The following ZNRF3 variants were observed in gnomAD, a reference collection of about 807,000 sequenced individuals.
ZNRF3 encodes E3 ubiquitin-protein ligase ZNRF3.
In ZNRF3, 23 loss-of-function variants were observed where a neutral mutation model predicts 72.5. The ratio of observed to expected loss-of-function variants is 0.32; its 90% CI spans 0.23 to 0.45. The LOEUF (loss-of-function observed/expected upper bound fraction) is 0.45, where lower values mean the gene tolerates loss of function less well. Among genes scored for constraint, ZNRF3 ranks in the 20% least tolerant of loss-of-function variants. The pLI is 1.00. For synonymous variants in ZNRF3, 610 were observed against 545.3 expected, an observed-to-expected ratio of 1.12 and a Z score of -1.65; for missense variants, 1,169 against 1,272.1, an observed-to-expected ratio of 0.92 and a Z score of 1.23.
chr22:29,036,875 T>C lies in ZNRF3; in HGVS notation c.427-5620T>C, dbSNP rs368630533. 8.5e-5 allele frequency among the ~76,000 whole-genome samples: 13 copies of C among 152,248 alleles called. No individual in the cohort carries two copies. In the South Asian group the frequency reaches 2.5e-3, roughly 29 times the overall value. On this transcript the variant is annotated intron_variant, in intron 2 of 8. Transcript: ENST00000544604. Reference sequence around the variant, plus strand: ...GAATTTTTAATAACTTAGAAGCTTATGATAAAGAAAAAAAGCCAGAAGGCA... The same window carrying C: ...GAATTTTTAATAACTTAGAAGCTTACGATAAAGAAAAAAAGCCAGAAGGCA...
chr22:28,934,955 T>C (rs1364481757), intron 1 of ZNRF3, among the ~76,000 whole-genome samples: 1 of 152,226 alleles, frequency 6.6e-6, no homozygotes, highest in Non-Finnish European at 1.5e-5. Flanking sequence ...CACATGGTTT[T>C]GCATAAATGG....
chr22:29,048,341 C>A lies in ZNRF3; in HGVS notation c.913-48C>A, dbSNP rs745568789. ...CTATGCTGGACTCTGCAGGAGGACA[C>A]ACCTGCGAGGCTGAAGGCAGACTTG... On this transcript the variant is annotated intron_variant, in intron 6 of 8. Transcript: ENST00000544604. The surrounding 1 kb of genome is among the most constrained non-coding windows in gnomAD (Gnocchi z 4.9). 1 of 1,547,908 alleles carries A rather than the reference C, an allele frequency of 6.5e-7. No homozygotes were observed. The highest frequency in any genetic ancestry group is 2.2e-5 in the East Asian group (1 of 44,516).
intron 2 of ZNRF3, among the ~76,000 whole-genome samples, chr22:29,024,164 T>C (rs1171896408): frequency 1.3e-5 from 2 of 152,176 alleles, no homozygotes; most frequent in Non-Finnish European, 2.9e-5. Flanking sequence ...AGAAGTCCTT[T>C]TCTTAATGAC....
chr22:28,909,940 A>G (rs1292559632), intron 1 of ZNRF3, among the ~76,000 whole-genome samples: 1 of 150,652 alleles, frequency 6.6e-6, no homozygotes, highest in Non-Finnish European at 1.5e-5. Context: ...GGGTCTTACT[A>G]TGTTTCCCAG....
chr22:29,003,330 C>CACGATGAAACTCCATCTCTACTTAAAAA, intron 2 of ZNRF3, among the ~76,000 whole-genome samples: 1 of 151,946 alleles, frequency 6.6e-6, no homozygotes, highest in Non-Finnish European at 1.5e-5. Context: ...TCCTGGTTAA[C>CACGATGAAACTCCATCTCTACTTAAAAA]ACGATGAAAC....
In ZNRF3 at chr22:29,049,787, C is replaced by A. The variant is rs1445215928; in HGVS notation, c.1606C>A (p.Arg536Ser). 1 of 1,603,664 alleles carries A rather than the reference C, an allele frequency of 6.2e-7. No homozygotes were observed. Among genetic ancestry groups the A allele is most frequent in the South Asian group, 1.1e-5 (1 of 90,046 alleles). ...CAGCTTCAGCTGCTATCACGGCCAC[C>A]GCTCGGTGTGCAGTGGCTACCTGGC... is the stretch of plus-strand genomic sequence containing the variant. ...TSSFSCYHGH[R>S]SVCSGYLADC... is the part of the protein sequence containing the mutation. The change falls in exon 8 of 9, where the codon CGC becomes AGC. Residue 536 changes from arginine (R) to serine (S), a missense_variant. Coordinates refer to ENST00000544604, the MANE Select transcript of ZNRF3 (RefSeq NM_001206998.2). The surrounding 1 kb of genome is among the most constrained non-coding windows in gnomAD (Gnocchi z 5.2).
At chr22:28,890,632 T>C (rs777750888) in intron 1 of ZNRF3, among the ~76,000 whole-genome samples, 99 of 152,276 alleles carry the variant, frequency 6.5e-4, no homozygotes, top group Non-Finnish European at 1.3e-3. Flanking sequence ...AGTGGATAGG[T>C]TATGGAAGGA....
intron 1 of ZNRF3, among the ~76,000 whole-genome samples, chr22:28,907,728 T>G (rs2034238390): frequency 6.6e-6 from 1 of 152,154 alleles, no homozygotes; most frequent in Non-Finnish European, 1.5e-5. Context: ...TTGCAATCAG[T>G]GGGGATGGTT....
intron 2 of ZNRF3, among the ~76,000 whole-genome samples, chr22:29,020,105 C>G (rs2036504058): frequency 6.6e-6 from 1 of 151,970 alleles, no homozygotes; most frequent in Non-Finnish European, 1.5e-5. Context: ...GCACATCCTC[C>G]CGTATACTTT....
chr22:28,917,413 G>A (rs2034428184), intron 1 of ZNRF3: 3 of 985,472 alleles, frequency 3.0e-6, no homozygotes, highest in Non-Finnish European at 3.6e-6. Context: ...TGCATCACTG[G>A]TGAGCTGGGG....
chr22:29,021,446 G>A (rs1238617469), intron 2 of ZNRF3, among the ~76,000 whole-genome samples: 3 of 151,608 alleles, frequency 2.0e-5, no homozygotes, highest in Non-Finnish European at 4.4e-5. Context: ...GGCAATAATG[G>A]AAAAAGAATA....
In ZNRF3 at chr22:28,926,105, GC is replaced by G. The variant is rs1224891791; in HGVS notation, c.300+42042del. On this transcript the variant is annotated intron_variant, in intron 1 of 8. Coordinates refer to ENST00000544604, the MANE Select transcript of ZNRF3 (RefSeq NM_001206998.2). The stretch of plus-strand genomic sequence containing the variant: ...AGACCCTGTTGTGTTTGAATGACTT[GC>G]CCTCTCACATTTCCTAAAGCCTACT... 2.0e-4 allele frequency among the ~76,000 whole-genome samples: 30 copies of G among 152,252 alleles called. No homozygotes were observed. In the East Asian group the frequency reaches 5.6e-3, roughly 28 times the overall value.
At chr22:28,885,957 TAAGTA>T (rs2033778651) in intron 1 of ZNRF3, among the ~76,000 whole-genome samples, 1 of 152,044 alleles carries the variant, frequency 6.6e-6, no homozygotes, top group Non-Finnish European at 1.5e-5. Flanking sequence ...CAATAGTTGC[TAAGTA>T]AAGTGACTTA....
chr22:28,887,219 G>A (rs935414535), intron 1 of ZNRF3, among the ~76,000 whole-genome samples: 13 of 107,502 alleles, frequency 1.2e-4, no homozygotes, highest in African/African-American at 6.7e-4. Flanking sequence ...ATATGCCAAC[G>A]AAGAGAGAGA....
rs546366801 is a variant in ZNRF3, at chr22:28,990,451, G to A, written c.426+3250G>A. Reference sequence around the variant, plus strand: ...TGTAATCCCAGCACTTTGGGAGGCCGTGCCGGGCAGATCACTTGAGGCCAG... The same window carrying A: ...TGTAATCCCAGCACTTTGGGAGGCCATGCCGGGCAGATCACTTGAGGCCAG... On this transcript the variant is annotated intron_variant, in intron 2 of 8. Transcript: ENST00000544604. Among the ~76,000 whole-genome samples the A allele has an allele frequency of 6.6e-5, 10 of 152,282 alleles. No individual in the cohort carries two copies. The South Asian group carries it at 1.0e-3, about 16-fold the overall frequency.
intron 2 of ZNRF3, chr22:29,017,940 T>A (rs2036464783): frequency 1.9e-6 from 1 of 516,508 alleles, no homozygotes; most frequent in African/African-American, 1.9e-5. Flanking sequence ...TGAGAGGTAA[T>A]CAAGGGTCCA....
chr22:28,895,313 CCTT>C (rs762916642), intron 1 of ZNRF3, among the ~76,000 whole-genome samples: 19 of 152,172 alleles, frequency 1.2e-4, no homozygotes, highest in Non-Finnish European at 2.2e-4. Context: ...GATCTTTGCT[CCTT>C]CTCTCTTTTT....
chr22:29,029,332 C>T (rs548804554), intron 2 of ZNRF3, among the ~76,000 whole-genome samples: 24 of 152,322 alleles, frequency 1.6e-4, no homozygotes, highest in African/African-American at 5.8e-4. Context: ...TCCAAATTAC[C>T]TTCCTCTTCA....
rs895328327 is a variant in ZNRF3, at chr22:29,049,751, G to C, written c.1570G>C (p.Gly524Arg). ...GGCCCCGCCCTCCCACCTGGAGAGC[G>C]GCAGCACGTCCAGCTTCAGCTGCTA... ...HVAPPSHLES[G>R]STSSFSCYHG... Residue 524 changes from glycine (G) to arginine (R), a missense_variant, in exon 8 of 9, where the codon GGC becomes CGC. Around this residue, in one of 2 missense-constraint regions of ZNRF3, gnomAD observed 783 missense variants for 731.4 expected, o/e 1.07. Coordinates refer to ENST00000544604, the MANE Select transcript of ZNRF3 (RefSeq NM_001206998.2). The surrounding 1 kb of genome is among the most constrained non-coding windows in gnomAD (Gnocchi z 5.2). 2 of 1,594,490 alleles carry C rather than the reference G, an allele frequency of 1.3e-6. No homozygotes were observed. The highest frequency in any genetic ancestry group is 2.7e-5 in the African/African-American group (2 of 74,638).
Sources: allele counts gnomAD v4.1 joint callset (sites outside exome capture counted in the v4.1 genomes callset), GRCh38; gene constraint gnomAD v4.1.1; regional missense constraint gnomAD v4.1.1; non-coding constraint Gnocchi (gnomAD v3.1); transcripts MANE v1.5; gene names NCBI Gene and HGNC (gene_info 2026-07-23, HGNC 2026-07-21).